FLVCR2: variants seen among roughly 807,000 people sequenced by gnomAD.
FLVCR2 encodes choline/ethanolamine transporter FLVCR2.
FLVCR2 carries 38 observed loss-of-function variants against 48.9 expected under a neutral mutation model. The ratio of observed to expected loss-of-function variants is 0.78; its 90% confidence interval spans 0.60 to 1.02. The LOEUF is 1.02. Ranked by LOEUF, FLVCR2 falls within the 50% of genes least tolerant of loss-of-function variation. The probability of loss-of-function intolerance (pLI) is 0.00; values close to 1 mark genes in which losing one functional copy is unlikely to be tolerated. For missense variants in FLVCR2, 664 were observed against 663.3 expected (o/e 1.00, Z -0.01); for synonymous variants, 255 against 257.0 (o/e 0.99, Z 0.07).
chr14:75,646,441 T>G lies in FLVCR2; in HGVS notation c.1550T>G (p.Val517Gly), dbSNP rs1441676989. ...EEEEESNTSKVPTAVSEDHL is the reference protein window; with the variant it reads ...EEEEESNTSKGPTAVSEDHL ...GAGGAGGAGAGCAACACCAGCAAAGTGCCCACTGCTGTGTCAGAGGATCAT... is the reference window on the plus strand; with the variant it reads ...GAGGAGGAGAGCAACACCAGCAAAGGGCCCACTGCTGTGTCAGAGGATCAT... The change falls in exon 10 of 10, where the codon GTG becomes GGG. Residue 517 changes from valine to glycine, a missense_variant. Physicochemically the swap from Val to Gly is moderately radical, Grantham distance 109. Transcript: ENST00000238667. The G allele has an allele frequency of 6.2e-7, 1 of 1,613,940 alleles. No individual in the cohort carries two copies. The highest frequency in any genetic ancestry group is 1.1e-5 in the South Asian group (1 of 91,076).
chr14:75,586,149 G>GT (rs1444879999), intron 1 of FLVCR2, among the ~76,000 whole-genome samples: 231 of 152,356 alleles, frequency 1.5e-3, no homozygotes, highest in Admixed American at 2.2e-3. Flanking sequence ...CCTGGGTGCA[G>GT]GCAGGCTGAA....
chr14:75,618,306 G>A (rs1456470134), intron 1 of FLVCR2, among the ~76,000 whole-genome samples: 2 of 152,288 alleles, frequency 1.3e-5, no homozygotes, highest in East Asian at 1.9e-4. Context: ...AGGTACCTAG[G>A]ACCCACCTCA....
chr14:75,633,521 G>A (rs1890095202), intron 3 of FLVCR2, 108 bp from the exon 4 acceptor site: 1 of 843,776 alleles, frequency 1.2e-6, no homozygotes, highest in Non-Finnish European at 2.1e-6. Context: ...GCTCAGAGTG[G>A]CAGTGAGATG....
intron 6 of FLVCR2, among the ~76,000 whole-genome samples, chr14:75,640,363 C>A (rs1890280401): frequency 6.6e-6 from 1 of 151,748 alleles, no homozygotes; most frequent in African/African-American, 2.4e-5. Context: ...CTTTGTTCAG[C>A]TCTGCTTCCC....
At chr14:75,616,047 A>AAAG (rs1259725425) in intron 1 of FLVCR2, among the ~76,000 whole-genome samples, 1 of 148,150 alleles carries the variant, frequency 6.7e-6, no homozygotes, top group African/African-American at 2.5e-5. Context: ...AAAAAAAAAA[A>AAAG]ATAGCGTAAG....
At chr14:75,603,318 A>G (rs1032671344) in intron 1 of FLVCR2, among the ~76,000 whole-genome samples, 3 of 152,326 alleles carry the variant, frequency 2.0e-5, no homozygotes, top group East Asian at 1.9e-4. Context: ...CTCTACTGAC[A>G]GAGAGCAGAG....
chr14:75,622,257 C>T (rs757114787), intron 2 of FLVCR2, 37 bp downstream of exon 2: 37 of 1,607,670 alleles, frequency 2.3e-5, no homozygotes, highest in Middle Eastern at 1.7e-4. Context: ...TAGCAGGGGG[C>T]GAAGGGGCAG....
chr14:75,630,898 G>T (rs575710944), intron 3 of FLVCR2, among the ~76,000 whole-genome samples: 2 of 152,228 alleles, frequency 1.3e-5, no homozygotes, highest in South Asian at 4.1e-4. Flanking sequence ...AGGATGATCA[G>T]ACCTGAATAG....
intron 9 of FLVCR2, among the ~76,000 whole-genome samples, chr14:75,642,253 G>A (rs932352049): frequency 2.0e-5 from 3 of 152,180 alleles, no homozygotes; most frequent in African/African-American, 7.2e-5. Flanking sequence ...TCAGCCTGGG[G>A]TCAGTGGCTG....
Position 75,641,066 on chromosome 14 carries a change from G to C in FLVCR2, c.1341+6G>C. 6.2e-7 allele frequency: 1 copy of C among 1,607,428 alleles called. No individual in the cohort carries two copies. The highest frequency in any genetic ancestry group is 8.5e-7 in the Non-Finnish European group (1 of 1,173,896). ...TCCTCAACATATCTGCACAGGTAGA[G>C]CTCGTATTTCCTGTTTGTTTCCTGG... is the stretch of plus-strand genomic sequence containing the variant. On this transcript the variant is annotated splice_donor_region_variant and intron_variant, in intron 7 of 9. Coordinates refer to ENST00000238667, the MANE Select transcript of FLVCR2 (RefSeq NM_017791.3).
chr14:75,630,996 C>A (rs1284084526), intron 3 of FLVCR2, among the ~76,000 whole-genome samples: 1 of 152,168 alleles, frequency 6.6e-6, no homozygotes, highest in Non-Finnish European at 1.5e-5. Context: ...GATGCCCAAC[C>A]CCTTTGTTTT....
chr14:75,631,607 T>TAAAAAA, intron 3 of FLVCR2: 2 of 352,234 alleles, frequency 5.7e-6, no homozygotes, highest in South Asian at 4.3e-5. Context: ...GCAAAGCAGC[T>TAAAAAA]GTTCCCCTGA....
At chr14:75,605,175 A>G (rs1244912125) in intron 1 of FLVCR2, among the ~76,000 whole-genome samples, 1 of 152,190 alleles carries the variant, frequency 6.6e-6, no homozygotes, top group Non-Finnish European at 1.5e-5. Context: ...AAGCCTCAAC[A>G]TCAAACAGCC....
intron 2 of FLVCR2, 108 bp from the exon 3 acceptor site, chr14:75,624,504 G>C (rs1889847632): frequency 1.6e-6 from 2 of 1,249,800 alleles, no homozygotes; most frequent in Non-Finnish European, 2.4e-6. Flanking sequence ...TTTCCTTTGG[G>C]AGTCTTAGCT....
chr14:75,609,124 T>G (rs1296449929), intron 1 of FLVCR2, among the ~76,000 whole-genome samples: 1 of 152,162 alleles, frequency 6.6e-6, no homozygotes, highest in African/African-American at 2.4e-5. Flanking sequence ...TGAACAAATA[T>G]TATTGAGCAT....
At chr14:75,621,726 A>T (rs117740850) in intron 1 of FLVCR2, among the ~76,000 whole-genome samples, 2 of 152,346 alleles carry the variant, frequency 1.3e-5, no homozygotes, top group East Asian at 3.9e-4. Context: ...TAAAAATTTG[A>T]GTAGCACAAG....
At chr14:75,644,569 G>A (rs1890375028) in intron 9 of FLVCR2, among the ~76,000 whole-genome samples, 1 of 152,206 alleles carries the variant, frequency 6.6e-6, no homozygotes, top group African/African-American at 2.4e-5. Flanking sequence ...GTGCTCACCT[G>A]TCTTGTGTCC....
chr14:75,602,701 G>A (rs916493424), intron 1 of FLVCR2, among the ~76,000 whole-genome samples: 27 of 152,140 alleles, frequency 1.8e-4, no homozygotes, highest in African/African-American at 6.0e-4. Context: ...ACTGTTTAAC[G>A]GGTACAGAGT....
intron 1 of FLVCR2, among the ~76,000 whole-genome samples, chr14:75,613,344 T>C (rs1889510519): frequency 6.6e-6 from 1 of 151,240 alleles, no homozygotes; most frequent in Non-Finnish European, 1.5e-5. Context: ...ATGGCAAGAG[T>C]AGGAGCAAGA....
Sources: gnomAD v4.1 joint callset for allele counts (sites outside exome capture counted in the v4.1 genomes callset) on GRCh38, gnomAD v4.1.1 for gene constraint, MANE v1.5 for transcripts, NCBI Gene and HGNC (gene_info 2026-07-23, HGNC 2026-07-21) for gene names.